The following SGCD variants were observed in gnomAD, a reference collection of about 807,000 sequenced individuals.
SGCD encodes the protein sarcoglycan delta.
A neutral mutation model predicts 36.6 loss-of-function variants in SGCD; 18 were observed. The observed-to-expected ratio is 0.49, with a 90% confidence interval of 0.34 to 0.73. SGCD has a LOEUF of 0.73. Ranked by LOEUF, SGCD falls within the 30% of genes least tolerant of loss-of-function variation. The probability of loss-of-function intolerance (pLI) is 0.01; values close to 1 mark genes in which losing one functional copy is unlikely to be tolerated. For missense variants in SGCD, 387 were observed against 346.7 expected, an observed-to-expected ratio of 1.12 and a Z score of -0.92; for synonymous variants, 133 against 130.6, an observed-to-expected ratio of 1.02 and a Z score of -0.12.
chr5:156,049,042 T>C (rs938177221), intron 1 of SGCD, among the ~76,000 whole-genome samples: 4 of 146,792 alleles, frequency 2.7e-5, no homozygotes, highest in African/African-American at 7.4e-5. Context: ...TTTCTACATA[T>C]GGCTAGCCAG....
intron 6 of SGCD, among the ~76,000 whole-genome samples, chr5:156,643,870 G>T (rs894667868): frequency 6.6e-6 from 1 of 152,016 alleles, no homozygotes; most frequent in African/African-American, 2.4e-5. Flanking sequence ...GAAAACTGAC[G>T]TTTTTACCTC....
At chr5:156,630,566 A>C (rs1347757809) in intron 6 of SGCD, among the ~76,000 whole-genome samples, 2 of 152,230 alleles carry the variant, frequency 1.3e-5, no homozygotes, top group African/African-American at 4.8e-5. Context: ...ATTGGGTTTT[A>C]GTAATAACTT....
the SGCD span, among the ~76,000 whole-genome samples, chr5:155,783,946 C>T: frequency 2.6e-5 from 4 of 152,322 alleles, no homozygotes; most frequent in East Asian, 5.8e-4. Flanking sequence ...CTTCCCTCCT[C>T]ATGATGTCCA....
intron 3 of SGCD, among the ~76,000 whole-genome samples, chr5:156,180,733 T>C (rs1174324904): frequency 6.6e-6 from 1 of 152,134 alleles, no homozygotes; most frequent in Non-Finnish European, 1.5e-5. Context: ...GGCTGGATGA[T>C]TGAGACTTAA....
intron 3 of SGCD, among the ~76,000 whole-genome samples, chr5:156,130,298 AG>A: frequency 6.6e-6 from 1 of 152,240 alleles, no homozygotes. Context: ...TCTTTTGAAA[AG>A]TATTTATGTC....
intron 3 of SGCD, among the ~76,000 whole-genome samples, chr5:156,432,829 C>T (rs532151178): frequency 5.3e-5 from 8 of 152,250 alleles, no homozygotes; most frequent in East Asian, 3.9e-4. Flanking sequence ...TTAACAGCAA[C>T]GGGTTTAGAT....
chr5:156,485,358 G>A (rs1269750097), intron 3 of SGCD, among the ~76,000 whole-genome samples: 1 of 152,164 alleles, frequency 6.6e-6, no homozygotes, highest in Admixed American at 6.5e-5. Context: ...AAATGCTAGA[G>A]GGGCCTTCAA....
At chr5:155,993,397 T>G (rs1161066728) in intron 1 of SGCD, among the ~76,000 whole-genome samples, 2 of 144,506 alleles carry the variant, frequency 1.4e-5, no homozygotes, top group Non-Finnish European at 3.0e-5. Context: ...CAGGCTGGAG[T>G]GCAGTGGCAT....
At chr5:156,615,534 A>G (rs1369893266) in intron 6 of SGCD, among the ~76,000 whole-genome samples, 2 of 152,176 alleles carry the variant, frequency 1.3e-5, no homozygotes, top group Non-Finnish European at 2.9e-5. Context: ...AATTTGATGA[A>G]ACTCTACTGC....
At chr5:156,073,126 A>G (rs941436324) in intron 1 of SGCD, among the ~76,000 whole-genome samples, 9 of 152,202 alleles carry the variant, frequency 5.9e-5, no homozygotes, top group African/African-American at 1.4e-4. Context: ...GAATATGGCC[A>G]TTATGACCCA....
chr5:156,030,354 A>G (rs1384862970), intron 1 of SGCD, among the ~76,000 whole-genome samples: 1 of 152,200 alleles, frequency 6.6e-6, no homozygotes, highest in Non-Finnish European at 1.5e-5. Flanking sequence ...TAATGGCTTA[A>G]TAATGTTCTT....
intron 3 of SGCD, among the ~76,000 whole-genome samples, chr5:156,359,290 C>T (rs1477508753): frequency 6.6e-6 from 1 of 152,168 alleles, no homozygotes; most frequent in African/African-American, 2.4e-5. Context: ...TATCTGGCCA[C>T]TTACAGGTAT....
At position 156,593,850 on chromosome 5, in the gene SGCD, C is replaced by T. The variant is rs1760822005; in HGVS notation, c.383-1082C>T. Among the ~76,000 whole-genome samples the T allele has an allele frequency of 2.0e-5, 3 of 152,200 alleles. No individual in the cohort carries two copies. The South Asian group carries it at 6.2e-4, about 32-fold the overall frequency. ...TTAAGTGACACTCTTTTGAAAAATA[C>T]CAGAAAGAAAACAATTCCATGTCAG... On this transcript the variant is annotated intron_variant, in intron 5 of 8. Coordinates refer to ENST00000337851, the MANE Select transcript of SGCD (RefSeq NM_000337.6).
intron 3 of SGCD, among the ~76,000 whole-genome samples, chr5:156,205,379 A>G (rs1764250786): frequency 6.6e-6 from 1 of 152,106 alleles, no homozygotes; most frequent in African/African-American, 2.4e-5. Context: ...ACGAGACACA[A>G]TGAGTAGATA....
chr5:156,148,325 G>A (rs1762755646), intron 3 of SGCD, among the ~76,000 whole-genome samples: 1 of 152,116 alleles, frequency 6.6e-6, no homozygotes, highest in South Asian at 2.1e-4. Context: ...GGTTTGTCTT[G>A]TTTCAAAGAG....
chr5:156,437,025 T>C (rs1013088403), intron 3 of SGCD, among the ~76,000 whole-genome samples: 1 of 152,160 alleles, frequency 6.6e-6, no homozygotes, highest in Non-Finnish European at 1.5e-5. Context: ...CCATATTTTT[T>C]TTTATTCCCA....
chr5:156,205,991 TTTA>T (rs1172509243), intron 3 of SGCD, among the ~76,000 whole-genome samples: 6 of 136,136 alleles, frequency 4.4e-5, no homozygotes, highest in Non-Finnish European at 9.6e-5. Flanking sequence ...ATATATATAT[TTTA>T]TATATATATA....
intron 1 of SGCD, among the ~76,000 whole-genome samples, chr5:156,006,208 C>A (rs748578516): frequency 1.3e-5 from 2 of 152,176 alleles, no homozygotes; most frequent in Non-Finnish European, 2.9e-5. Context: ...ATGTAGGACC[C>A]AGATTCATTC....
chr5:156,600,711 A>G (rs1179665110), intron 6 of SGCD, among the ~76,000 whole-genome samples: 2 of 152,160 alleles, frequency 1.3e-5, no homozygotes, highest in Non-Finnish European at 2.9e-5. Flanking sequence ...TTGCTGGATC[A>G]TATGGTAGTT....
Sources: gnomAD v4.1 joint callset for allele counts (sites outside exome capture counted in the v4.1 genomes callset) on GRCh38, gnomAD v4.1.1 for gene constraint, MANE v1.5 for transcripts, NCBI Gene and HGNC (gene_info 2026-07-23, HGNC 2026-07-21) for gene names.